Variants in MPZL1 observed in about 807,000 individuals in gnomAD.
The protein encoded by MPZL1 is myelin protein zero like 1.
A neutral mutation model predicts 29.3 loss-of-function variants in MPZL1; 16 were observed. The ratio of observed to expected loss-of-function variants is 0.55; its 90% CI spans 0.37 to 0.83. The LOEUF (loss-of-function observed/expected upper bound fraction) is 0.83, where lower values mean the gene tolerates loss of function less well. Among genes scored for constraint, MPZL1 ranks in the 40% least tolerant of loss-of-function variants. The pLI, the probability that MPZL1 is intolerant of heterozygous loss-of-function variation, is 0.00. For missense variants in MPZL1, 279 were observed against 332.9 expected, an observed-to-expected ratio of 0.84 and a Z score of 1.26; for synonymous variants, 143 against 132.0, an observed-to-expected ratio of 1.08 and a Z score of -0.57.
chr1:167,757,997 T>C (rs1374538506), intron 1 of MPZL1, among the ~76,000 whole-genome samples: 1 of 151,750 alleles, frequency 6.6e-6, no homozygotes, highest in Non-Finnish European at 1.5e-5. Flanking sequence ...TTAAAAAAAA[T>C]AGAAAAATTA....
intron 1 of MPZL1, among the ~76,000 whole-genome samples, chr1:167,739,175 T>G (rs1660448782): frequency 6.6e-6 from 1 of 151,306 alleles, no homozygotes; most frequent in African/African-American, 2.4e-5. Context: ...GCTCCTGACC[T>G]CAGGTTATCT....
At chr1:167,730,499 G>A (rs1660239921) in intron 1 of MPZL1, among the ~76,000 whole-genome samples, 1 of 152,056 alleles carries the variant, frequency 6.6e-6, no homozygotes, top group African/African-American at 2.4e-5. Flanking sequence ...GGCTGGTCTT[G>A]AACTCCTGAC....
At chr1:167,725,150 C>T (rs1033721399) in intron 1 of MPZL1, among the ~76,000 whole-genome samples, 1 of 152,208 alleles carries the variant, frequency 6.6e-6, no homozygotes, top group African/African-American at 2.4e-5. Flanking sequence ...CTTCCCTGTC[C>T]TTCACATCCA....
At chr1:167,778,616 G>A (rs1661422537) in intron 5 of MPZL1, among the ~76,000 whole-genome samples, 1 of 151,498 alleles carries the variant, frequency 6.6e-6, no homozygotes, top group African/African-American at 2.4e-5. Context: ...AAAAAATCAG[G>A]AGAAATCAAT....
At chr1:167,772,704 T>C (rs1661278405) in intron 3 of MPZL1, among the ~76,000 whole-genome samples, 1 of 152,228 alleles carries the variant, frequency 6.6e-6, no homozygotes, top group Non-Finnish European at 1.5e-5. Flanking sequence ...TCTCCATTTT[T>C]ATTCCTACCG....
chr1:167,728,787 T>G (rs1338216299), intron 1 of MPZL1, among the ~76,000 whole-genome samples: 3 of 152,200 alleles, frequency 2.0e-5, no homozygotes. Flanking sequence ...GCAGTATGTC[T>G]TTGCCTATCC....
chr1:167,729,290 G>A (rs1485055528), intron 1 of MPZL1, among the ~76,000 whole-genome samples: 2 of 151,242 alleles, frequency 1.3e-5, no homozygotes, highest in Non-Finnish European at 2.9e-5. Context: ...AAAAAAAAAA[G>A]ATGCTGTTAT....
chr1:167,729,813 C>T (rs1434503158), intron 1 of MPZL1, among the ~76,000 whole-genome samples: 1 of 152,132 alleles, frequency 6.6e-6, no homozygotes, highest in Non-Finnish European at 1.5e-5. Flanking sequence ...CTTTGCTAAA[C>T]GATTTACTTA....
intron 1 of MPZL1, among the ~76,000 whole-genome samples, chr1:167,728,204 T>C (rs963098492): frequency 1.3e-5 from 2 of 151,860 alleles, no homozygotes; most frequent in African/African-American, 4.8e-5. Flanking sequence ...CACGCCTGGC[T>C]AATTTTTTTG....
chr1:167,777,049 C>G (rs1661383982), intron 5 of MPZL1, among the ~76,000 whole-genome samples: 1 of 152,144 alleles, frequency 6.6e-6, no homozygotes, highest in African/African-American at 2.4e-5. Context: ...GGGGCTAGAA[C>G]CCAGGTGTCT....
chr1:167,770,576 G>A (rs1387773207), intron 2 of MPZL1, among the ~76,000 whole-genome samples: 1 of 152,216 alleles, frequency 6.6e-6, no homozygotes, highest in Non-Finnish European at 1.5e-5. Context: ...AAACCAGAAG[G>A]AAGAGGGCGA....
chr1:167,727,526 C>T (rs538812767), intron 1 of MPZL1, among the ~76,000 whole-genome samples: 2 of 152,126 alleles, frequency 1.3e-5, no homozygotes, highest in Admixed American at 6.5e-5. Flanking sequence ...TTAGCCCCAT[C>T]GAAGACGGTA....
rs559757059 is a variant in MPZL1 at position 167,737,240 on chromosome 1, C to T, written c.91+14998C>T. ...AAATGTTTAGTATATATTAGATGAA[C>T]TGTTGAACTGTACTCAAGTGGAAAT... On this transcript the variant is annotated intron_variant, in intron 1 of 5. Transcript: ENST00000359523. 9.1e-4 allele frequency among the ~76,000 whole-genome samples: 138 copies of T among 152,276 alleles called. 1 individual carries two copies. Among genetic ancestry groups the T allele is most frequent in the Middle Eastern group, 6.8e-3 (2 of 294 alleles).
At chr1:167,752,089 C>T (rs989330172) in intron 1 of MPZL1, among the ~76,000 whole-genome samples, 1 of 152,218 alleles carries the variant, frequency 6.6e-6, no homozygotes, top group African/African-American at 2.4e-5. Context: ...CATCTTAAAA[C>T]TTTTCCTCTA....
chr1:167,780,778 C>G (rs944992132), intron 5 of MPZL1, among the ~76,000 whole-genome samples: 1 of 152,054 alleles, frequency 6.6e-6, no homozygotes, highest in Non-Finnish European at 1.5e-5. Flanking sequence ...TCAGTTTTTG[C>G]AGGATGAAAA....
intron 1 of MPZL1, among the ~76,000 whole-genome samples, chr1:167,763,710 G>C (rs1204269306): frequency 6.6e-6 from 1 of 152,098 alleles, no homozygotes; most frequent in African/African-American, 2.4e-5. Context: ...TTGAACTCAA[G>C]TGCCCTGGGG....
At chr1:167,766,460 G>A (rs1661116291) in intron 2 of MPZL1, among the ~76,000 whole-genome samples, 1 of 152,196 alleles carries the variant, frequency 6.6e-6, no homozygotes, top group Non-Finnish European at 1.5e-5. Flanking sequence ...GATTATTCAA[G>A]ATAAGTGCTC....
chr1:167,760,926 T>G (rs1245769334), intron 1 of MPZL1, among the ~76,000 whole-genome samples: 1 of 151,452 alleles, frequency 6.6e-6, no homozygotes, highest in African/African-American at 2.4e-5. Context: ...GAGCAGTCAA[T>G]GAGATAAGAG....
rs534737319 is a variant in MPZL1 at position 167,725,765 on chromosome 1, G to A, written c.91+3523G>A. Reference sequence around the variant, plus strand: ...CTCCCAAAGTGCTGGGATTACAGGCGTGAGCCACCACATCTGGCTGATTTT... The same window carrying A: ...CTCCCAAAGTGCTGGGATTACAGGCATGAGCCACCACATCTGGCTGATTTT... On this transcript the variant is annotated intron_variant, in intron 1 of 5. Coordinates refer to ENST00000359523, the MANE Select transcript of MPZL1 (RefSeq NM_003953.6). Among the ~76,000 whole-genome samples, 9 of 152,090 alleles carry A rather than the reference G, an allele frequency of 5.9e-5. No individual in the cohort carries two copies. In the South Asian group the frequency reaches 6.2e-4, roughly 11 times the overall value.
Sources: allele counts gnomAD v4.1 joint callset (sites outside exome capture counted in the v4.1 genomes callset), GRCh38; gene constraint gnomAD v4.1.1; transcripts MANE v1.5; gene names NCBI Gene and HGNC (gene_info 2026-07-23, HGNC 2026-07-21).